Variants in RAP2A observed in about 807,000 individuals in gnomAD.
The protein encoded by RAP2A is ras-related protein Rap-2a.
In RAP2A, 5 loss-of-function variants were observed where a neutral mutation model predicts 15.1. That is an observed-to-expected ratio of 0.33 (90% CI 0.17 to 0.70). RAP2A has a LOEUF of 0.70. RAP2A is among the 30% of genes least tolerant of loss of function. RAP2A has a pLI of 0.68. For missense variants in RAP2A, 111 were observed against 240.3 expected, an observed-to-expected ratio of 0.46 and a Z score of 3.56; for synonymous variants, 110 against 99.7, an observed-to-expected ratio of 1.10 and a Z score of -0.62.
At chr13:97,452,217 A>G (rs1260758674) in intron 1 of RAP2A, among the ~76,000 whole-genome samples, 1 of 151,192 alleles carries the variant, frequency 6.6e-6, no homozygotes, top group Non-Finnish European at 1.5e-5. Flanking sequence ...CAAGGTTCTG[A>G]GGATCCATTC....
chr13:97,438,319 G>C (rs2066642668), intron 1 of RAP2A, among the ~76,000 whole-genome samples: 1 of 152,074 alleles, frequency 6.6e-6, no homozygotes, highest in Non-Finnish European at 1.5e-5. Flanking sequence ...TGCCTGTGCA[G>C]CCTCACCTCT....
Position 97,434,401 on chromosome 13 carries a change from T to G in RAP2A, c.-70T>G. ...CGGGGCGGGCCGCCGGGGCCGGGGCTGGGGGCGCAGCGCGGCCGGCGTAGG... is the reference window on the plus strand; with the variant it reads ...CGGGGCGGGCCGCCGGGGCCGGGGCGGGGGGCGCAGCGCGGCCGGCGTAGG... On this transcript the variant is annotated 5_prime_UTR_variant, in exon 1 of 2. Transcript: ENST00000245304. 1 of 1,131,502 alleles carries G rather than the reference T, an allele frequency of 8.8e-7. No individual in the cohort carries two copies. Among genetic ancestry groups the G allele is most frequent in the Non-Finnish European group, 1.1e-6 (1 of 919,356 alleles). The allele number at this position is 1,131,502 out of a possible 1,614,324, so 70.1% of individuals were successfully genotyped here.
intron 1 of RAP2A, among the ~76,000 whole-genome samples, chr13:97,454,589 G>A (rs928948277): frequency 1.3e-5 from 2 of 150,976 alleles, no homozygotes; most frequent in Non-Finnish European, 3.0e-5. Context: ...CAGAGTTTTT[G>A]TATGCGTTAC....
chr13:97,435,238 C>A (rs1297148393), intron 1 of RAP2A, among the ~76,000 whole-genome samples: 1 of 152,116 alleles, frequency 6.6e-6, no homozygotes, highest in Non-Finnish European at 1.5e-5. Context: ...AGACCTTTCT[C>A]ATCTCGTTAA....
At chr13:97,461,409 T>C (rs1396889525) in intron 1 of RAP2A, among the ~76,000 whole-genome samples, 1 of 152,156 alleles carries the variant, frequency 6.6e-6, no homozygotes, top group Non-Finnish European at 1.5e-5. Context: ...AAGTTAGTGA[T>C]ATAATAAACA....
intron 1 of RAP2A, among the ~76,000 whole-genome samples, chr13:97,455,891 T>G (rs1371657683): frequency 6.6e-6 from 1 of 151,422 alleles, no homozygotes; most frequent in Non-Finnish European, 1.5e-5. Context: ...TTTCAGAGTT[T>G]TAGCTTTCTG....
In RAP2A at chr13:97,464,097, A is replaced by G. The variant is rs1307682475; in HGVS notation, c.315-108A>G. ...GGTACAAATCATTTTCATGCAACTG[A>G]AGATACCATTTATGTTGGAATAGCC... On this transcript the variant is annotated intron_variant, in intron 1 of 1. Transcript: ENST00000245304. 3 of 946,012 alleles carry G rather than the reference A, an allele frequency of 3.2e-6. No homozygotes were observed. In the East Asian group the frequency reaches 7.3e-5, roughly 23 times the overall value. The allele number at this position is 946,012 out of a possible 1,614,324, so 58.6% of individuals were successfully genotyped here. A position where few individuals can be genotyped will look rare whatever the true frequency, so the allele number is the denominator to read the frequency against.
rs2066762024 is a variant in RAP2A, at chr13:97,464,510, C to T, written c.*68C>T. ...TAGGTGATAGAAAACTCGCCTACTC[C>T]ACTGCAGAACTTGCAGAATGCGTGG... On this transcript the variant is annotated 3_prime_UTR_variant, in exon 2 of 2. Transcript: ENST00000245304. 6 of 1,405,884 alleles carry T rather than the reference C, an allele frequency of 4.3e-6. No individual in the cohort carries two copies. The highest frequency in any genetic ancestry group is 1.0e-6 in the Non-Finnish European group (1 of 997,972). The allele number at this position is 1,405,884 out of a possible 1,614,324, so 87.1% of individuals were successfully genotyped here. A position where few individuals can be genotyped will look rare whatever the true frequency, so the allele number is the denominator to read the frequency against.
chr13:97,448,901 G>A (rs1019895556), intron 1 of RAP2A, among the ~76,000 whole-genome samples: 2 of 152,178 alleles, frequency 1.3e-5, no homozygotes, highest in Non-Finnish European at 2.9e-5. Context: ...CAATGGAGAG[G>A]AGAGAAGGGT....
At chr13:97,453,441 C>T (rs1010956207) in intron 1 of RAP2A, among the ~76,000 whole-genome samples, 5 of 151,214 alleles carry the variant, frequency 3.3e-5, no homozygotes, top group African/African-American at 7.3e-5. Flanking sequence ...TATAATTTTG[C>T]CATTTCAAGA....
chr13:97,457,703 A>T (rs1457652168), intron 1 of RAP2A, among the ~76,000 whole-genome samples: 2 of 152,288 alleles, frequency 1.3e-5, no homozygotes, highest in South Asian at 2.1e-4. Flanking sequence ...AGCTATAGGT[A>T]TACTTATATT....
intron 1 of RAP2A, among the ~76,000 whole-genome samples, chr13:97,459,345 C>T (rs79826256): frequency 0.011 from 1,687 of 152,218 alleles, 44 homozygotes; most frequent in African/African-American, 0.039. Context: ...GAAAATAGAA[C>T]ATGAAAGTAA....
Position 97,449,034 on chromosome 13 carries a change from A to G in RAP2A, c.314+14250A>G, listed in dbSNP as rs2066691244. 2.0e-5 allele frequency among the ~76,000 whole-genome samples: 3 copies of G among 152,290 alleles called. No homozygotes were observed. The South Asian group carries it at 6.2e-4, about 32-fold the overall frequency. The stretch of plus-strand genomic sequence containing the variant: ...TCTCCCACAGTGGAGACTTTAGCAT[A>G]GTAAGTTGCAGGGGTCTGTCAGGAG... On this transcript the variant is annotated intron_variant, in intron 1 of 1. Transcript: ENST00000245304.
chr13:97,452,070 A>G (rs1293829671), intron 1 of RAP2A, among the ~76,000 whole-genome samples: 1 of 151,136 alleles, frequency 6.6e-6, no homozygotes, highest in African/African-American at 2.4e-5. Flanking sequence ...CCTTTCCCCA[A>G]TCTTTGGCTT....
chr13:97,452,646 A>ACGCG (rs756755849), intron 1 of RAP2A, among the ~76,000 whole-genome samples: 1 of 98,354 alleles, frequency 1.0e-5, no homozygotes, highest in Admixed American at 1.2e-4. Context: ...ACACACACAC[A>ACGCG]CACGCACACA....
At chr13:97,445,289 T>C (rs1305140820) in intron 1 of RAP2A, among the ~76,000 whole-genome samples, 1 of 152,194 alleles carries the variant, frequency 6.6e-6, no homozygotes, top group East Asian at 1.9e-4. Flanking sequence ...CTTTTTCTAC[T>C]TCGTGAACCA....
chr13:97,446,265 T>C (rs1359833540), intron 1 of RAP2A, among the ~76,000 whole-genome samples: 2 of 152,110 alleles, frequency 1.3e-5, no homozygotes, highest in Non-Finnish European at 2.9e-5. Flanking sequence ...CCTCAAACTC[T>C]CTCTTTTTTT....
chr13:97,466,027 T>G lies in RAP2A; in HGVS notation c.*1585T>G, dbSNP rs2066769577. ...GAGTGTGTGTTTGTGTGTGCATGTG[T>G]GTTTATTGTTCCTAAGAATTTGGCA... On this transcript the variant is annotated 3_prime_UTR_variant, in exon 2 of 2. Transcript: ENST00000245304. 6.6e-6 allele frequency: 1 copy of G among 152,204 alleles called. No individual in the cohort carries two copies. 9.4% of individuals were successfully genotyped at this position (152,204 alleles called of 1,614,324 possible).
At chr13:97,457,605 T>C (rs1181128480) in intron 1 of RAP2A, among the ~76,000 whole-genome samples, 1 of 152,044 alleles carries the variant, frequency 6.6e-6, no homozygotes, top group East Asian at 1.9e-4. Context: ...GCCATTAATA[T>C]GATACATATT....
Sources: gnomAD v4.1 joint callset for allele counts (sites outside exome capture counted in the v4.1 genomes callset) on GRCh38, gnomAD v4.1.1 for gene constraint, MANE v1.5 for transcripts, NCBI Gene and HGNC (gene_info 2026-07-23, HGNC 2026-07-21) for gene names.